The following EYA1 variants were observed in gnomAD, a reference collection of about 807,000 sequenced individuals.
EYA1 encodes the protein protein phosphatase EYA1.
Under a neutral mutation model 82.0 loss-of-function variants are expected in EYA1, and 16 were observed. The observed-to-expected ratio is 0.20, with a 90% CI of 0.13 to 0.30. The LOEUF is 0.30. EYA1 is among the 10% of genes least tolerant of loss of function. The pLI is 1.00. For synonymous variants in EYA1, 261 were observed against 264.4 expected (o/e 0.99, Z 0.12); for missense variants, 633 against 730.7 (o/e 0.87, Z 1.54).
At chr8:71,466,781 G>T (rs1423857136) in intron 2 of EYA1, among the ~76,000 whole-genome samples, 1 of 152,034 alleles carries the variant, frequency 6.6e-6, no homozygotes, top group Non-Finnish European at 1.5e-5. Flanking sequence ...TTTACAAGAA[G>T]AAACTTTGGA....
rs930735329 is a variant in EYA1, at chr8:71,445,842, C to T, written c.34-89331G>A. 4.6e-5 allele frequency among the ~76,000 whole-genome samples: 7 copies of T among 152,248 alleles called. No individual in the cohort carries two copies. The East Asian group carries it at 5.8e-4, about 13-fold the overall frequency. ...TGTTGGGATTACAGGTGTGAGCCACCACGCCTGGCTCATTCTAAACTTTTC... is the reference window on the plus strand; with the variant it reads ...TGTTGGGATTACAGGTGTGAGCCACTACGCCTGGCTCATTCTAAACTTTTC... On this transcript the variant is annotated intron_variant, in intron 2 of 18. Transcript: ENST00000643681.
chr8:71,519,203 G>A (rs1222380170), intron 2 of EYA1, among the ~76,000 whole-genome samples: 4 of 152,120 alleles, frequency 2.6e-5, no homozygotes, highest in African/African-American at 4.8e-5. Flanking sequence ...CACCTAGACA[G>A]TGCTTCTGCT....
intron 7 of EYA1, among the ~76,000 whole-genome samples, chr8:71,315,679 C>T (rs1821847409): frequency 6.6e-6 from 1 of 152,160 alleles, no homozygotes; most frequent in Non-Finnish European, 1.5e-5. Context: ...CTGTTAAATT[C>T]ATTAATAAAG....
Position 71,406,679 on chromosome 8 carries a change from C to T in EYA1, c.34-50168G>A, listed in dbSNP as rs1443089229. 2.6e-5 allele frequency among the ~76,000 whole-genome samples: 4 copies of T among 152,260 alleles called. No individual in the cohort carries two copies. In the East Asian group the frequency reaches 5.8e-4, roughly 22 times the overall value. On this transcript the variant is annotated intron_variant, in intron 2 of 18. Coordinates refer to the EYA1 transcript ENST00000643681. Reference sequence around the variant, plus strand: ...CGCTTTTCAGACTGGCTTAAAAAACCGCTCACCAGGAGATTACATCCTGCA... The same window carrying T: ...CGCTTTTCAGACTGGCTTAAAAAACTGCTCACCAGGAGATTACATCCTGCA...
intron 1 of EYA1, among the ~76,000 whole-genome samples, chr8:71,539,791 G>A (rs546673242): frequency 1.3e-5 from 2 of 152,310 alleles, no homozygotes; most frequent in South Asian, 4.1e-4. Flanking sequence ...TGCCACTCTA[G>A]GGAGAGTGGA....
At chr8:71,425,291 G>GA (rs11372972) in intron 2 of EYA1, among the ~76,000 whole-genome samples, 87,991 of 147,032 alleles carry the variant, frequency 0.6, 27,436 homozygotes, top group Middle Eastern at 0.71. Context: ...CCGTCTCAAA[G>GA]AAAAAAAAAA....
intron 12 of EYA1, among the ~76,000 whole-genome samples, chr8:71,241,114 G>A (rs1812437004): frequency 6.6e-6 from 1 of 152,176 alleles, no homozygotes; most frequent in Non-Finnish European, 1.5e-5. Flanking sequence ...CTCTTGGGGG[G>A]AAAATATTAT....
At chr8:71,210,754 G>A (rs1039563702) in intron 17 of EYA1, among the ~76,000 whole-genome samples, 1 of 152,212 alleles carries the variant, frequency 6.6e-6, no homozygotes, top group South Asian at 2.1e-4. Flanking sequence ...CCAACTGATA[G>A]AGGCTTTCTG....
rs138234228 is a variant in EYA1 at position 71,321,754 on chromosome 8, G to A, written c.398C>T (p.Pro133Leu). ...CTCACCATATGAGGAAATGCCGTAC[G>A]GCTGTCCTGGCTGTGGGTACGTGGC... Reference protein sequence around the residue: ...AYATYPQPGQPYGISSYGALW... With the variant: ...AYATYPQPGQLYGISSYGALW... Residue 133 changes from proline (P) to leucine (L), a missense_variant, in exon 6 of 18, where the codon CCG (proline) becomes CTG (leucine). Pro to Leu is a moderately conservative substitution (Grantham distance 98). Coordinates refer to ENST00000340726, the MANE Select transcript of EYA1 (RefSeq NM_000503.6). 3.7e-6 allele frequency: 6 copies of A among 1,614,040 alleles called. No individual in the cohort carries two copies. Among genetic ancestry groups the A allele is most frequent in the Admixed American group, 1.7e-5 (1 of 60,010 alleles).
intron 12 of EYA1, among the ~76,000 whole-genome samples, chr8:71,242,849 C>T (rs1459609538): frequency 6.8e-6 from 1 of 147,994 alleles, no homozygotes; most frequent in East Asian, 2.0e-4. Context: ...TGATCTCTGG[C>T]TCATCGTAAC....
chr8:71,513,956 AAGATCTCT>A (rs1812785286), intron 2 of EYA1, among the ~76,000 whole-genome samples: 1 of 152,130 alleles, frequency 6.6e-6, no homozygotes, highest in Non-Finnish European at 1.5e-5. Context: ...GCAACATGAC[AAGATCTCT>A]CATTCCTTTT....
chr8:71,265,005 C>A (rs537705219), intron 11 of EYA1, among the ~76,000 whole-genome samples: 5 of 152,310 alleles, frequency 3.3e-5, no homozygotes, highest in African/African-American at 1.2e-4. Context: ...GGTGAAAAGT[C>A]AGAGCTTGGA....
At chr8:71,222,164 C>A (rs1324182450) in intron 12 of EYA1, among the ~76,000 whole-genome samples, 1 of 152,138 alleles carries the variant, frequency 6.6e-6, no homozygotes, top group African/African-American at 2.4e-5. Flanking sequence ...CAGTTGAATT[C>A]TTTCTTCTGA....
At chr8:71,453,945 T>G (rs1029635459) in intron 2 of EYA1, among the ~76,000 whole-genome samples, 2 of 152,190 alleles carry the variant, frequency 1.3e-5, no homozygotes, top group Non-Finnish European at 2.9e-5. Context: ...GTAGATGGGC[T>G]AAATGCTCCA....
chr8:71,360,834 A>G lies in EYA1; in HGVS notation c.-55+813T>C, dbSNP rs576247575. 5.3e-4 allele frequency among the ~76,000 whole-genome samples: 80 copies of G among 152,358 alleles called. No homozygotes were observed. In the South Asian group the frequency reaches 8.7e-3, roughly 17 times the overall value. ...AAACAAAAACGTTTGCCTAAATTCA[A>G]TGACAGCTCTGAATTTATTGAATTC... On this transcript the variant is annotated intron_variant, in intron 1 of 17. Transcript: ENST00000340726.
At chr8:71,307,329 A>G (rs940816648) in intron 7 of EYA1, among the ~76,000 whole-genome samples, 12 of 152,146 alleles carry the variant, frequency 7.9e-5, no homozygotes, top group African/African-American at 2.9e-4. Flanking sequence ...TTTAGAGACA[A>G]TGTCTCACTC....
chr8:71,377,484 T>C (rs1298426925), intron 2 of EYA1, among the ~76,000 whole-genome samples: 1 of 152,208 alleles, frequency 6.6e-6, no homozygotes, highest in Non-Finnish European at 1.5e-5. Context: ...GAAGTCACTC[T>C]TGCAAATGAT....
intron 9 of EYA1, among the ~76,000 whole-genome samples, chr8:71,290,193 T>A (rs1818843850): frequency 6.6e-6 from 1 of 152,206 alleles, no homozygotes; most frequent in Non-Finnish European, 1.5e-5. Context: ...ATTTAAAACT[T>A]AATCCAAAAG....
intron 3 of EYA1, 92 bp downstream of exon 3, chr8:71,354,690 T>A (rs1826673237): frequency 7.7e-7 from 1 of 1,305,416 alleles, no homozygotes; most frequent in South Asian, 1.2e-5. Context: ...GTTTTATGAT[T>A]TTGACAACTG....
Sources: gnomAD v4.1 joint callset for allele counts (sites outside exome capture counted in the v4.1 genomes callset) on GRCh38, gnomAD v4.1.1 for gene constraint, MANE v1.5 for transcripts, NCBI Gene and HGNC (gene_info 2026-07-23, HGNC 2026-07-21) for gene names.